The following UGGT2 variants were observed in gnomAD, a reference collection of about 807,000 sequenced individuals.
UGGT2 encodes the protein UDP-glucose glycoprotein glucosyltransferase 2.
In UGGT2, 180 loss-of-function variants were observed where a neutral mutation model predicts 192.1. The ratio of observed to expected loss-of-function variants is 0.94; its 90% CI spans 0.83 to 1.06. UGGT2 has a LOEUF of 1.06. Among genes scored for constraint, UGGT2 ranks in the 50% least tolerant of loss-of-function variants. The pLI, the probability that UGGT2 is intolerant of heterozygous loss-of-function variation, is 0.00. For synonymous variants in UGGT2, 580 were observed against 591.0 expected (o/e 0.98, Z 0.27); for missense variants, 1,849 against 1,795.7 (o/e 1.03, Z -0.54).
intron 37 of UGGT2, among the ~76,000 whole-genome samples, chr13:95,835,184 A>G (rs1189398958): frequency 6.6e-6 from 1 of 152,204 alleles, no homozygotes; most frequent in Non-Finnish European, 1.5e-5. Flanking sequence ...CAACAGCCAC[A>G]TAAGGCAAGT....
At chr13:96,053,065 G>A (rs2053533796) in intron 1 of UGGT2, 90 bp downstream of exon 1, 8 of 1,384,464 alleles carry the variant, frequency 5.8e-6, no homozygotes, top group Non-Finnish European at 6.5e-6. Context: ...CCGGGTGGGA[G>A]CCAGACACCC....
chr13:95,859,263 C>T (rs1390615056), intron 33 of UGGT2, among the ~76,000 whole-genome samples: 2 of 152,036 alleles, frequency 1.3e-5, no homozygotes, highest in Non-Finnish European at 2.9e-5. Flanking sequence ...TTCTGCCTAT[C>T]TTTGCAAAAA....
chr13:95,913,492 T>G (rs965332645), intron 20 of UGGT2, among the ~76,000 whole-genome samples: 2 of 152,122 alleles, frequency 1.3e-5, no homozygotes, highest in Non-Finnish European at 2.9e-5. Flanking sequence ...GGAAAAATGC[T>G]CATCACTGGT....
intron 36 of UGGT2, among the ~76,000 whole-genome samples, chr13:95,851,156 T>C (rs1888992940): frequency 6.6e-6 from 1 of 152,216 alleles, no homozygotes; most frequent in Non-Finnish European, 1.5e-5. Flanking sequence ...TAGAATTAGG[T>C]GGCTTCCTGA....
chr13:95,961,344 C>G (rs2050385636), intron 12 of UGGT2, among the ~76,000 whole-genome samples: 1 of 152,090 alleles, frequency 6.6e-6, no homozygotes, highest in Admixed American at 6.6e-5. Flanking sequence ...CATCCATACA[C>G]TGCCTTAAAG....
chr13:95,847,468 G>T (rs1190651863), intron 36 of UGGT2, among the ~76,000 whole-genome samples: 1 of 151,936 alleles, frequency 6.6e-6, no homozygotes, highest in Non-Finnish European at 1.5e-5. Flanking sequence ...CCCCCTCCCT[G>T]CCACCAAACT....
At chr13:95,958,681 A>G (rs1174422966) in intron 12 of UGGT2, among the ~76,000 whole-genome samples, 1 of 151,530 alleles carries the variant, frequency 6.6e-6, no homozygotes, top group Admixed American at 6.6e-5. Context: ...AGGAACCAAT[A>G]TAGTAAGCAG....
intron 17 of UGGT2, among the ~76,000 whole-genome samples, chr13:95,933,475 G>A (rs1157345328): frequency 6.6e-6 from 1 of 152,036 alleles, no homozygotes; most frequent in East Asian, 1.9e-4. Flanking sequence ...CTAGCTAGTG[G>A]TCTATCGATC....
chr13:95,817,551 AG>A (rs1566539576), intron 38 of UGGT2, among the ~76,000 whole-genome samples: 1 of 152,208 alleles, frequency 6.6e-6, no homozygotes, highest in Non-Finnish European at 1.5e-5. Context: ...ACTGCATTCC[AG>A]CTTGGGCAAC....
intron 25 of UGGT2, among the ~76,000 whole-genome samples, chr13:95,889,518 C>T (rs909728219): frequency 6.6e-6 from 1 of 152,140 alleles, no homozygotes; most frequent in African/African-American, 2.4e-5. Context: ...TATCTAATTA[C>T]TTTTGCCTGT....
chr13:95,966,265 C>A (rs773265168), intron 12 of UGGT2, among the ~76,000 whole-genome samples: 1 of 152,052 alleles, frequency 6.6e-6, no homozygotes, highest in Non-Finnish European at 1.5e-5. Flanking sequence ...CTGGAGGTCA[C>A]TGTGTTAAGT....
intron 17 of UGGT2, among the ~76,000 whole-genome samples, chr13:95,935,937 T>C (rs1314918045): frequency 6.6e-6 from 1 of 152,150 alleles, no homozygotes; most frequent in Non-Finnish European, 1.5e-5. Flanking sequence ...AGTGATCCTC[T>C]TGCCTCAGCC....
chr13:95,852,171 A>G (rs1889117280), intron 36 of UGGT2, among the ~76,000 whole-genome samples: 1 of 152,188 alleles, frequency 6.6e-6, no homozygotes, highest in Non-Finnish European at 1.5e-5. Flanking sequence ...TTTTTAAACA[A>G]AGGGACTAAG....
At chr13:95,973,373 T>C (rs2140802138) in intron 10 of UGGT2, among the ~76,000 whole-genome samples, 1 of 152,284 alleles carries the variant, frequency 6.6e-6, no homozygotes. Context: ...ATTACAGTTC[T>C]AATGTTACAA....
chr13:95,983,258 AG>A (rs1566792402), intron 10 of UGGT2, among the ~76,000 whole-genome samples: 2 of 152,188 alleles, frequency 1.3e-5, no homozygotes, highest in Admixed American at 6.5e-5. Flanking sequence ...CCTAGTGTTT[AG>A]GGCCCTGTGA....
At chr13:96,028,494 C>T (rs1005649329) in intron 2 of UGGT2, among the ~76,000 whole-genome samples, 4 of 152,190 alleles carry the variant, frequency 2.6e-5, no homozygotes, top group Non-Finnish European at 4.4e-5. Flanking sequence ...ACATTTCTCA[C>T]CTCACAAAAC....
intron 5 of UGGT2, among the ~76,000 whole-genome samples, chr13:96,007,220 A>G (rs1457018158): frequency 1.3e-5 from 2 of 152,202 alleles, no homozygotes; most frequent in Non-Finnish European, 2.9e-5. Context: ...ATATGTGCTG[A>G]AAAGGCATTT....
intron 5 of UGGT2, among the ~76,000 whole-genome samples, chr13:96,006,420 T>A (rs1376781477): frequency 1.3e-5 from 2 of 151,066 alleles, no homozygotes; most frequent in African/African-American, 4.9e-5. Context: ...GGGTCAGGAG[T>A]TCGAGACCAG....
chr13:95,877,254 T>A, intron 29 of UGGT2, 25 bp downstream of exon 29: 1 of 1,536,052 alleles, frequency 6.5e-7, no homozygotes, highest in Non-Finnish European at 8.8e-7. Context: ...TGTGTAAAAA[T>A]TTAAAAGCAG....
Sources: allele counts gnomAD v4.1 joint callset (sites outside exome capture counted in the v4.1 genomes callset), GRCh38; gene constraint gnomAD v4.1.1; transcripts MANE v1.5; gene names NCBI Gene and HGNC (gene_info 2026-07-23, HGNC 2026-07-21).